CRK: variants seen among roughly 807,000 people sequenced by gnomAD.
CRK encodes the protein CRK proto-oncogene, adaptor protein, also known as adapter molecule crk.
Under a neutral mutation model 29.8 loss-of-function variants are expected in CRK, and 4 were observed. The observed-to-expected ratio is 0.13, with a 90% CI of 0.07 to 0.31. The LOEUF is 0.31. Among genes scored for constraint, CRK ranks in the 10% least tolerant of loss-of-function variants. The pLI is 1.00. For synonymous variants in CRK, 153 were observed against 164.9 expected (o/e 0.93, Z 0.55); for missense variants, 274 against 396.5 (o/e 0.69, Z 2.62).
intron 2 of CRK, among the ~76,000 whole-genome samples, chr17:1,430,000 TC>T (rs2073822804): frequency 6.6e-6 from 1 of 150,990 alleles, no homozygotes; most frequent in Non-Finnish European, 1.5e-5. Context: ...GCAGACAGGT[TC>T]AAATATACGG....
intron 1 of CRK, among the ~76,000 whole-genome samples, chr17:1,449,205 G>C (rs1328375871): frequency 6.6e-6 from 1 of 152,200 alleles, no homozygotes; most frequent in Non-Finnish European, 1.5e-5. Context: ...GCAGGTAACA[G>C]GAGGCACCAT....
chr17:1,433,519 T>A (rs994850168), intron 2 of CRK, among the ~76,000 whole-genome samples: 2 of 141,198 alleles, frequency 1.4e-5, no homozygotes, highest in African/African-American at 5.3e-5. Context: ...CTTTTTTTTT[T>A]TTTTTTTTTT....
chr17:1,447,927 T>C (rs1018946227), intron 1 of CRK, among the ~76,000 whole-genome samples: 17 of 152,084 alleles, frequency 1.1e-4, no homozygotes, highest in Non-Finnish European at 2.2e-4. Flanking sequence ...CTCTTTTCCC[T>C]TTTTTCCTCA....
At chr17:1,434,852 A>T (rs1297352104) in intron 2 of CRK, among the ~76,000 whole-genome samples, 1 of 152,064 alleles carries the variant, frequency 6.6e-6, no homozygotes, top group Non-Finnish European at 1.5e-5. Context: ...AAAACTTACT[A>T]AAATCATAAA....
chr17:1,455,590 C>T (rs567132792), intron 1 of CRK, among the ~76,000 whole-genome samples: 4 of 152,226 alleles, frequency 2.6e-5, no homozygotes, highest in African/African-American at 9.6e-5. Context: ...CCTGCCCTAC[C>T]CTTGCGCCTG....
At chr17:1,453,035 G>C (rs910013964) in intron 1 of CRK, among the ~76,000 whole-genome samples, 5 of 152,180 alleles carry the variant, frequency 3.3e-5, no homozygotes, top group African/African-American at 1.2e-4. Context: ...TTGAGCCCAG[G>C]AGGTCAAGGC....
In CRK at chr17:1,456,092, T is replaced by A; in HGVS notation, c.26A>T (p.Glu9Val). 6.4e-7 allele frequency: 1 copy of A among 1,557,376 alleles called. No individual in the cohort carries two copies. Among genetic ancestry groups the A allele is most frequent in the Non-Finnish European group, 8.7e-7 (1 of 1,155,354 alleles). MAGNFDSE[E>V]RSSWYWGRLS... Reference sequence around the variant, plus strand: ...CCTCCCCCAGTACCAGCTACTCCGCTCCTCCGAGTCGAAGTTGCCCGCCAT... The same window carrying A: ...CCTCCCCCAGTACCAGCTACTCCGCACCTCCGAGTCGAAGTTGCCCGCCAT... The change falls in exon 1 of 3, where the codon GAG becomes GTG. Residue 9 changes from glutamate (E) to valine (V), a missense_variant. By Grantham distance (121) the Glu-to-Val change is moderately radical. Coordinates refer to ENST00000300574, the MANE Select transcript of CRK (RefSeq NM_016823.4).
chr17:1,446,694 C>T (rs1462463665), intron 1 of CRK, among the ~76,000 whole-genome samples: 1 of 151,318 alleles, frequency 6.6e-6, no homozygotes, highest in Non-Finnish European at 1.5e-5. Flanking sequence ...TGGGTTCACG[C>T]CATTCTCCTG....
chr17:1,433,026 C>T (rs2073858566), intron 2 of CRK, among the ~76,000 whole-genome samples: 1 of 152,166 alleles, frequency 6.6e-6, no homozygotes, highest in Admixed American at 6.6e-5. Flanking sequence ...AGTTTCTTTG[C>T]TCCCAAGGAA....
At position 1,421,576 on chromosome 17, in the gene CRK, A is replaced by G. The variant is rs2073724654; in HGVS notation, c.*1937T>C. 6.6e-6 allele frequency: 1 copy of G among 152,198 alleles called. No individual in the cohort carries two copies. Among genetic ancestry groups the G allele is most frequent in the South Asian group, 2.1e-4 (1 of 4,834 alleles). The allele number at this position is 152,198 out of a possible 1,614,324, so 9.4% of individuals were successfully genotyped here. ...ATGACCTTAGTGTGAGGTAAAATAC[A>G]TTAAATTAGCGTCAACGCGTTAGTC... On this transcript the variant is annotated 3_prime_UTR_variant, in exon 3 of 3. Coordinates refer to ENST00000300574, the MANE Select transcript of CRK (RefSeq NM_016823.4).
chr17:1,448,636 AAAAAAAG>A (rs1283824874), intron 1 of CRK, among the ~76,000 whole-genome samples: 1,525 of 145,216 alleles, frequency 0.011, 33 homozygotes, highest in Non-Finnish European at 0.018. Flanking sequence ...AAAAAAAAAA[AAAAAAAG>A]AAAAAGTGGC....
Position 1,456,141 on chromosome 17 carries a change from G to T in CRK, c.-24C>A. 6.8e-7 allele frequency: 1 copy of T among 1,473,548 alleles called. No homozygotes were observed. The highest frequency in any genetic ancestry group is 9.0e-7 in the Non-Finnish European group (1 of 1,113,226). 91.3% of individuals were successfully genotyped at this position (1,473,548 alleles called of 1,614,324 possible). ...ATGGCTGCCTCCGCGCCTAAACGCTGGGGTGCCGCCGCCGCGCGCGCCCCT... is the reference window on the plus strand; with the variant it reads ...ATGGCTGCCTCCGCGCCTAAACGCTTGGGTGCCGCCGCCGCGCGCGCCCCT... On this transcript the variant is annotated 5_prime_UTR_variant, in exon 1 of 3. Transcript: ENST00000300574.
In CRK at chr17:1,422,944, T is replaced by C. The variant is rs1568005404; in HGVS notation, c.*569A>G. 2.5e-6 allele frequency: 1 copy of C among 399,024 alleles called. No homozygotes were observed. Among genetic ancestry groups the C allele is most frequent in the Non-Finnish European group, 4.4e-6 (1 of 226,122 alleles). 24.7% of individuals were successfully genotyped at this position (399,024 alleles called of 1,614,324 possible). On this transcript the variant is annotated 3_prime_UTR_variant, in exon 3 of 3. Coordinates refer to ENST00000300574, the MANE Select transcript of CRK (RefSeq NM_016823.4). ...GAATCCCAAGAAAAAGTATGAAGCATTGACTAGGAGGGAACAAATGCTTCT... is the reference window on the plus strand; with the variant it reads ...GAATCCCAAGAAAAAGTATGAAGCACTGACTAGGAGGGAACAAATGCTTCT...
At chr17:1,440,736 A>C (rs1013101721) in intron 1 of CRK, among the ~76,000 whole-genome samples, 5 of 152,092 alleles carry the variant, frequency 3.3e-5, no homozygotes, top group African/African-American at 1.2e-4. Flanking sequence ...ACAAACAAAC[A>C]AACAAACAAA....
At chr17:1,450,886 C>CAAACAAAACA (rs749276099) in intron 1 of CRK, among the ~76,000 whole-genome samples, 1 of 151,800 alleles carries the variant, frequency 6.6e-6, no homozygotes, top group South Asian at 2.1e-4. Flanking sequence ...AACTCCCTCT[C>CAAACAAAACA]AAACAAAACA....
At chr17:1,432,524 T>C (rs1176959514) in intron 2 of CRK, among the ~76,000 whole-genome samples, 1 of 140,496 alleles carries the variant, frequency 7.1e-6, no homozygotes, top group Non-Finnish European at 1.5e-5. Flanking sequence ...ACGCCTGTAA[T>C]CCCAGCACTT....
At chr17:1,441,736 C>T (rs1000809463) in intron 1 of CRK, among the ~76,000 whole-genome samples, 1 of 151,542 alleles carries the variant, frequency 6.6e-6, no homozygotes, top group Non-Finnish European at 1.5e-5. Context: ...GTGATCCATC[C>T]ACCTCGGCCT....
intron 1 of CRK, among the ~76,000 whole-genome samples, chr17:1,440,846 G>GT (rs2073929714): frequency 6.6e-6 from 1 of 152,214 alleles, no homozygotes; most frequent in Non-Finnish European, 1.5e-5. Context: ...CAAGGCTACC[G>GT]TGAGTCGTGA....
chr17:1,449,502 C>T (rs2074002109), intron 1 of CRK, among the ~76,000 whole-genome samples: 1 of 152,120 alleles, frequency 6.6e-6, no homozygotes, highest in Non-Finnish European at 1.5e-5. Context: ...CTATTTCCCT[C>T]CTTCACAGAT....
Sources: gnomAD v4.1 joint callset for allele counts (sites outside exome capture counted in the v4.1 genomes callset) on GRCh38, gnomAD v4.1.1 for gene constraint, MANE v1.5 for transcripts, NCBI Gene and HGNC (gene_info 2026-07-23, HGNC 2026-07-21) for gene names.